The following SOX5 variants were observed in gnomAD, a reference collection of about 807,000 sequenced individuals.
SOX5 encodes the protein transcription factor SOX-5.
SOX5 carries 9 observed loss-of-function variants against 92.0 expected under a neutral mutation model. The ratio of observed to expected loss-of-function variants is 0.10; its 90% confidence interval spans 0.06 to 0.17. The LOEUF (loss-of-function observed/expected upper bound fraction) is 0.17. SOX5 is among the 10% of genes least tolerant of loss of function. The probability of loss-of-function intolerance (pLI) is 1.00; values close to 1 mark genes in which losing one functional copy is unlikely to be tolerated. For synonymous variants in SOX5, 344 were observed against 336.3 expected (o/e 1.02, Z -0.25); for missense variants, 642 against 944.5 (o/e 0.68, Z 4.20).
chr12:23,862,588 C>T (rs2096767789), intron 2 of SOX5, among the ~76,000 whole-genome samples: 1 of 152,198 alleles, frequency 6.6e-6, no homozygotes, highest in Non-Finnish European at 1.5e-5. Flanking sequence ...CTGTCTCTGA[C>T]ATCAGCATTG....
chr12:23,922,940 CTTCT>C (rs1938777570), intron 1 of SOX5, among the ~76,000 whole-genome samples: 1 of 147,288 alleles, frequency 6.8e-6, no homozygotes, highest in Non-Finnish European at 1.5e-5. Context: ...AGGGAAGCTC[CTTCT>C]TTTTTTTTTT....
At chr12:24,558,970 G>A (rs1954074966) in intron 1 of SOX5, among the ~76,000 whole-genome samples, 1 of 152,114 alleles carries the variant, frequency 6.6e-6, no homozygotes, top group African/African-American at 2.4e-5. Context: ...TGTTTTTTAA[G>A]ATAAACCAAA....
At position 24,132,139 on chromosome 12, in the gene SOX5, G is replaced by A. The variant is rs144093462; in HGVS notation, c.-2+81204C>T. Reference sequence around the variant, plus strand: ...CTTACTTCAGTTACATTCAACAAACGTGTAGATCATACATGTGCCAAGTAG... The same window carrying A: ...CTTACTTCAGTTACATTCAACAAACATGTAGATCATACATGTGCCAAGTAG... On this transcript the variant is annotated intron_variant, in intron 4 of 4. Transcript: ENST00000446891. Among the ~76,000 whole-genome samples the A allele has an allele frequency of 2.6e-3, 402 of 152,214 alleles. 1 individual carries two copies. Among genetic ancestry groups the A allele is most frequent in the Admixed American group, 5.2e-3 (79 of 15,270 alleles).
chr12:24,347,935 G>T (rs1324862563), intron 2 of SOX5, among the ~76,000 whole-genome samples: 2 of 148,812 alleles, frequency 1.3e-5, no homozygotes, highest in Non-Finnish European at 3.0e-5. Flanking sequence ...GTACTTTCAA[G>T]TATAAAATGA....
chr12:23,991,330 AAC>A (rs1950534801), intron 4 of SOX5, among the ~76,000 whole-genome samples: 1 of 150,584 alleles, frequency 6.6e-6, no homozygotes, highest in African/African-American at 2.5e-5. Context: ...TTAAAAAAAA[AAC>A]AACAACAACA....
intron 3 of SOX5, among the ~76,000 whole-genome samples, chr12:23,794,089 A>G (rs1026777933): frequency 2.0e-5 from 3 of 152,184 alleles, no homozygotes; most frequent in African/African-American, 7.2e-5. Context: ...ATTTCATTGA[A>G]ACCAGAGAGG....
chr12:24,424,296 T>A (rs1371711447), intron 1 of SOX5, among the ~76,000 whole-genome samples: 1 of 152,310 alleles, frequency 6.6e-6, no homozygotes, highest in East Asian at 1.9e-4. Flanking sequence ...TATCGTAAGA[T>A]TAGGTGACAG....
intron 10 of SOX5, among the ~76,000 whole-genome samples, chr12:23,571,926 G>A (rs978120123): frequency 6.6e-6 from 1 of 151,844 alleles, no homozygotes; most frequent in South Asian, 2.1e-4. Context: ...TGAAAAAACT[G>A]CTTTGAAAAA....
chr12:23,889,347 A>C (rs950782647), intron 2 of SOX5, among the ~76,000 whole-genome samples: 1 of 152,164 alleles, frequency 6.6e-6, no homozygotes, highest in Admixed American at 6.5e-5. Context: ...TCTGTGACTT[A>C]TTTTTAAGTA....
chr12:23,852,993 G>A (rs1013517192), intron 2 of SOX5, among the ~76,000 whole-genome samples: 1 of 151,884 alleles, frequency 6.6e-6, no homozygotes. Flanking sequence ...CAGTGGGGAA[G>A]AAAGACATCA....
intron 6 of SOX5, among the ~76,000 whole-genome samples, chr12:23,734,012 C>T (rs1035361183): frequency 6.6e-6 from 1 of 152,158 alleles, no homozygotes; most frequent in Non-Finnish European, 1.5e-5. Context: ...AGTAAATTGT[C>T]AGAAGGGAAA....
chr12:23,855,535 T>C (rs887327039), intron 2 of SOX5, among the ~76,000 whole-genome samples: 1 of 152,142 alleles, frequency 6.6e-6, no homozygotes, highest in African/African-American at 2.4e-5. Flanking sequence ...AATTACTTTT[T>C]ATGTCATGTT....
At chr12:23,909,808 T>G (rs1326888955) in intron 1 of SOX5, among the ~76,000 whole-genome samples, 1 of 148,482 alleles carries the variant, frequency 6.7e-6, no homozygotes, top group African/African-American at 2.5e-5. Flanking sequence ...TCTTTTTTTT[T>G]TAACCTCATT....
intron 3 of SOX5, among the ~76,000 whole-genome samples, chr12:23,811,499 C>G (rs1027987162): frequency 2.0e-5 from 3 of 152,028 alleles, no homozygotes; most frequent in African/African-American, 7.2e-5. Flanking sequence ...TCTTAGCCAG[C>G]TCTCAATATT....
chr12:24,382,500 GCTC>G (rs1309394285), intron 1 of SOX5, among the ~76,000 whole-genome samples: 1 of 152,128 alleles, frequency 6.6e-6, no homozygotes, highest in Non-Finnish European at 1.5e-5. Context: ...GGCTGACTCT[GCTC>G]CTCAAGGGTC....
At chr12:23,849,515 C>T (rs1303151452) in intron 2 of SOX5, among the ~76,000 whole-genome samples, 3 of 152,054 alleles carry the variant, frequency 2.0e-5, no homozygotes, top group Admixed American at 2.0e-4. Flanking sequence ...AAAAATCAGC[C>T]CCAACCTATT....
In SOX5 at chr12:23,626,689, T is replaced by TTTC. The variant is rs1321450979; in HGVS notation, c.1017+14122_1017+14123insGAA. Among the ~76,000 whole-genome samples the TTTC allele has an allele frequency of 2.7e-5, 4 of 149,990 alleles. No homozygotes were observed. The East Asian group carries it at 7.8e-4, about 29-fold the overall frequency. The stretch of plus-strand genomic sequence containing the variant: ...ATTAGTGCTTTTTTTTTTTTTTTTT[T>TTTC]TATCTTATCCCTTTCTCCATGAGAT... On this transcript the variant is annotated intron_variant, in intron 8 of 14. Coordinates refer to ENST00000451604, the MANE Select transcript of SOX5 (RefSeq NM_006940.6).
At position 24,344,281 on chromosome 12, in the gene SOX5, C is replaced by CA. The variant is rs61660537; in HGVS notation, c.-174+24281dup. 3.3e-3 allele frequency among the ~76,000 whole-genome samples: 339 copies of CA among 104,274 alleles called. 7 individuals carry two copies. Among genetic ancestry groups the CA allele is most frequent in the South Asian group, 6.0e-3 (22 of 3,680 alleles). 68.4% of individuals were successfully genotyped at this position (104,274 alleles called of 152,430 possible). ...CTGGCGACAGAGCAAGACTCTGTCT[C>CA]AAAAAAAAAAAAAAAAAAAAAAAAA... On this transcript the variant is annotated intron_variant, in intron 2 of 4. Coordinates refer to the SOX5 transcript ENST00000446891.
chr12:24,553,581 C>T (rs762413945), intron 1 of SOX5, among the ~76,000 whole-genome samples: 2 of 152,206 alleles, frequency 1.3e-5, no homozygotes, highest in Non-Finnish European at 2.9e-5. Flanking sequence ...AGGGAGCTTA[C>T]CTTCTAATTG....
Sources: gnomAD v4.1 joint callset for allele counts (sites outside exome capture counted in the v4.1 genomes callset) on GRCh38, gnomAD v4.1.1 for gene constraint, MANE v1.5 for transcripts, NCBI Gene and HGNC (gene_info 2026-07-23, HGNC 2026-07-21) for gene names.